Variants in AGPAT5 observed in about 807,000 individuals in gnomAD.
AGPAT5 encodes the protein 1-acylglycerol-3-phosphate O-acyltransferase 5.
In AGPAT5, 46 loss-of-function variants were observed where a neutral mutation model predicts 45.6. The ratio of observed to expected loss-of-function variants is 1.01; its 90% CI spans 0.80 to 1.29. The LOEUF is 1.29. Ranked by LOEUF, AGPAT5 falls within the 50% of genes most tolerant of loss-of-function variation. The pLI is 0.00. For missense variants in AGPAT5, 673 were observed against 450.7 expected (o/e 1.49, Z -4.47); for synonymous variants, 272 against 167.0 (o/e 1.63, Z -4.85).
At chr8:6,718,385 G>A (rs1800400659) in intron 1 of AGPAT5, among the ~76,000 whole-genome samples, 1 of 152,188 alleles carries the variant, frequency 6.6e-6, no homozygotes, top group Non-Finnish European at 1.5e-5. Flanking sequence ...AAGGTCTTGT[G>A]TGTACAGTCG....
intron 7 of AGPAT5, among the ~76,000 whole-genome samples, chr8:6,756,352 T>C (rs1801833389): frequency 6.6e-6 from 1 of 152,094 alleles, no homozygotes; most frequent in Non-Finnish European, 1.5e-5. Context: ...GGGGGCTGGC[T>C]GTGGTGGCTC....
At chr8:6,739,228 C>T (rs558028979) in intron 4 of AGPAT5, among the ~76,000 whole-genome samples, 1 of 152,148 alleles carries the variant, frequency 6.6e-6, no homozygotes, top group Admixed American at 6.5e-5. Context: ...GTGTAGTTGT[C>T]TTCTAAATTT....
At position 6,730,318 on chromosome 8, in the gene AGPAT5, C is replaced by T. The variant is rs1280637065; in HGVS notation, c.290-393C>T. Among the ~76,000 whole-genome samples the T allele has an allele frequency of 1.3e-3, 39 of 29,502 alleles. 16 individuals are homozygous for T. Among genetic ancestry groups the T allele is most frequent in the Non-Finnish European group, 1.7e-3 (32 of 19,194 alleles). The allele number at this position is 29,502 out of a possible 152,430, so 19.4% of individuals were successfully genotyped here. ...AATTTTAAACATCCTAATCATAGGA[C>T]TTTTTTTTTTTTTTTTTTTTTTTTT... is the stretch of plus-strand genomic sequence containing the variant. On this transcript the variant is annotated intron_variant, in intron 2 of 7. Transcript: ENST00000285518.
In AGPAT5 at chr8:6,757,465, C is replaced by T. The variant is rs552865777; in HGVS notation, c.*77C>T. 1.7e-6 allele frequency: 2 copies of T among 1,150,736 alleles called. No homozygotes were observed. Among genetic ancestry groups the T allele is most frequent in the East Asian group, 4.7e-5 (2 of 42,314 alleles). 71.3% of individuals were successfully genotyped at this position (1,150,736 alleles called of 1,614,324 possible). A position where few individuals can be genotyped will look rare whatever the true frequency, so the allele number is the denominator to read the frequency against. On this transcript the variant is annotated 3_prime_UTR_variant, in exon 8 of 8. Coordinates refer to ENST00000285518, the MANE Select transcript of AGPAT5 (RefSeq NM_018361.5). The stretch of plus-strand genomic sequence containing the variant: ...GGCTGCACATGACATCAAATTGTTT[C>T]CTGAATTTATTAAGGAGTGTAAATA...
At chr8:6,732,501 G>T in intron 3 of AGPAT5, 60 bp from the exon 4 acceptor site, 1 of 1,388,638 alleles carries the variant, frequency 7.2e-7, no homozygotes, top group South Asian at 1.5e-5. Context: ...CCTTTTTGAT[G>T]ACTCTGGCCA....
rs148992897 is a variant in AGPAT5, at chr8:6,708,782, C to T, written c.114C>T (p.Leu38=). The change falls in exon 1 of 8, where the codon CTC becomes CTT. Residue 38 remains leucine (L), a synonymous_variant. Transcript: ENST00000285518. ...TGGCCTGGGGGGTCTGGCGGCTGCT[C>T]TCCGCCTTCCTGCCCGCCCGCTTCT... is the stretch of plus-strand genomic sequence containing the variant. The part of the protein sequence containing the change: ...YVLAWGVWRL[L]SAFLPARFYQ... The T allele has an allele frequency of 2.6e-4, 426 of 1,609,074 alleles. No individual in the cohort carries two copies. The highest frequency in any genetic ancestry group is 3.3e-4 in the Middle Eastern group (2 of 6,082).
chr8:6,718,617 G>A (rs1403305251), intron 1 of AGPAT5, among the ~76,000 whole-genome samples: 4 of 152,134 alleles, frequency 2.6e-5, no homozygotes, highest in African/African-American at 4.8e-5. Flanking sequence ...ATTTACAGGC[G>A]GCTGATGATT....
chr8:6,715,178 T>TAAC (rs1483599649), intron 1 of AGPAT5, among the ~76,000 whole-genome samples: 1 of 152,136 alleles, frequency 6.6e-6, no homozygotes, highest in Non-Finnish European at 1.5e-5. Context: ...AGACAAACAA[T>TAAC]AACAAGAAAA....
chr8:6,759,666 T>A lies in AGPAT5; in HGVS notation c.*2278T>A, dbSNP rs1801965224. 1 of 152,194 alleles carries A rather than the reference T, an allele frequency of 6.6e-6. No individual in the cohort carries two copies. Among genetic ancestry groups the A allele is most frequent in the Admixed American group, 6.5e-5 (1 of 15,280 alleles). 9.4% of individuals were successfully genotyped at this position (152,194 alleles called of 1,614,324 possible). On this transcript the variant is annotated 3_prime_UTR_variant, in exon 8 of 8. Transcript: ENST00000285518. ...AAATAAAATCTTTCACTGTCTCTAA[T>A]GGCTGTGCTGTTTAACATTTTTTGA...
chr8:6,747,941 T>A, intron 6 of AGPAT5, 113 bp downstream of exon 6: 1 of 1,050,478 alleles, frequency 9.5e-7, no homozygotes, highest in Non-Finnish European at 1.3e-6. Flanking sequence ...TTCATTACAT[T>A]TACCCGGTAT....
intron 2 of AGPAT5, among the ~76,000 whole-genome samples, chr8:6,725,375 C>A (rs568640031): frequency 1.3e-5 from 2 of 152,304 alleles, no homozygotes; most frequent in African/African-American, 2.4e-5. Context: ...AGTGTCTGCT[C>A]TTCCTTTCCT....
chr8:6,757,165 T>G lies in AGPAT5; in HGVS notation c.872T>G (p.Met291Arg). ...LHERFEIKDK[M>R]LIEFYESPDP... is the part of the protein sequence containing the mutation. ...AACTTTTTCCATTCTGGCCATAGGA[T>G]GCTTATAGAATTTTATGAGTCACCA... The change falls in exon 8 of 8, where the codon ATG becomes AGG. Residue 291 changes from methionine (M) to arginine (R), a missense_variant and splice_region_variant. Transcript: ENST00000285518. 6.2e-7 allele frequency: 1 copy of G among 1,612,324 alleles called. No individual in the cohort carries two copies. The highest frequency in any genetic ancestry group is 8.5e-7 in the Non-Finnish European group (1 of 1,179,190).
At chr8:6,728,803 A>G (rs1328413682) in intron 2 of AGPAT5, among the ~76,000 whole-genome samples, 1 of 152,236 alleles carries the variant, frequency 6.6e-6, no homozygotes, top group East Asian at 1.9e-4. Context: ...AGGGTCGATT[A>G]TATGGTTTCT....
rs1308132779 is a variant in AGPAT5, at chr8:6,708,796, C to G, written c.128C>G (p.Pro43Arg). ...GVWRLLSAFLPARFYQALDDR... is the reference protein window; with the variant it reads ...GVWRLLSAFLRARFYQALDDR... Reference sequence around the variant, plus strand: ...TGGCGGCTGCTCTCCGCCTTCCTGCCCGCCCGCTTCTACCAAGCGCTGGAC... The same window carrying G: ...TGGCGGCTGCTCTCCGCCTTCCTGCGCGCCCGCTTCTACCAAGCGCTGGAC... The change falls in exon 1 of 8, where the codon CCC (proline) becomes CGC (arginine). Residue 43 changes from proline to arginine, a missense_variant. Transcript: ENST00000285518. 1 of 1,610,538 alleles carries G rather than the reference C, an allele frequency of 6.2e-7. No homozygotes were observed. The highest frequency in any genetic ancestry group is 8.5e-7 in the Non-Finnish European group (1 of 1,179,702).
chr8:6,740,805 A>G (rs1801223037), intron 4 of AGPAT5, among the ~76,000 whole-genome samples: 1 of 152,074 alleles, frequency 6.6e-6, no homozygotes, highest in African/African-American at 2.4e-5. Flanking sequence ...ATCTGGCAAG[A>G]ATGAATCCAA....
intron 4 of AGPAT5, among the ~76,000 whole-genome samples, chr8:6,736,145 C>G (rs1204976840): frequency 6.6e-6 from 1 of 152,164 alleles, no homozygotes; most frequent in Non-Finnish European, 1.5e-5. Context: ...AGCCACCACG[C>G]CCAGCCTTCT....
intron 1 of AGPAT5, among the ~76,000 whole-genome samples, chr8:6,724,581 G>C (rs1800618917): frequency 6.6e-6 from 1 of 152,280 alleles, no homozygotes; most frequent in South Asian, 2.1e-4. Flanking sequence ...TATATCTTAT[G>C]AACAGTGTTT....
chr8:6,730,834 G>C lies in AGPAT5; in HGVS notation c.405+8G>C. 1 of 1,576,082 alleles carries C rather than the reference G, an allele frequency of 6.3e-7. No individual in the cohort carries two copies. Among genetic ancestry groups the C allele is most frequent in the Non-Finnish European group, 8.7e-7 (1 of 1,148,416 alleles). ...GGGTGTTACTTTGCTCAGGTAACTTGTTTCCATGCTTTTCTCTCTATATAT... is the reference window on the plus strand; with the variant it reads ...GGGTGTTACTTTGCTCAGGTAACTTCTTTCCATGCTTTTCTCTCTATATAT... On this transcript the variant is annotated splice_region_variant and intron_variant, in intron 3 of 7. Coordinates refer to ENST00000285518, the MANE Select transcript of AGPAT5 (RefSeq NM_018361.5).
chr8:6,711,368 A>G (rs996594529), intron 1 of AGPAT5, among the ~76,000 whole-genome samples: 1 of 152,216 alleles, frequency 6.6e-6, no homozygotes, highest in Admixed American at 6.5e-5. Context: ...GAAATATTTC[A>G]GTCAGTGCTG....
Sources: allele counts gnomAD v4.1 joint callset (sites outside exome capture counted in the v4.1 genomes callset), GRCh38; gene constraint gnomAD v4.1.1; transcripts MANE v1.5; gene names NCBI Gene and HGNC (gene_info 2026-07-23, HGNC 2026-07-21).